Variants in KSR2 observed in about 807,000 individuals in gnomAD.
KSR2 encodes the protein kinase suppressor of ras 2.
In KSR2, 25 loss-of-function variants were observed where a neutral mutation model predicts 107.8. The ratio of observed to expected loss-of-function variants is 0.23; its 90% confidence interval spans 0.17 to 0.32. The LOEUF is 0.32. KSR2 is among the 10% of genes least tolerant of loss of function. The pLI is 1.00. For synonymous variants in KSR2, 480 were observed against 507.0 expected (o/e 0.95, Z 0.71); for missense variants, 887 against 1,268.9 (o/e 0.70, Z 4.57).
intron 5 of KSR2, among the ~76,000 whole-genome samples, chr12:117,646,695 C>A (rs574565827): frequency 1.3e-5 from 2 of 152,148 alleles, no homozygotes; most frequent in Non-Finnish European, 2.9e-5. Flanking sequence ...CACCAGCACC[C>A]GCCCTACAGA....
chr12:117,694,842 A>ATT (rs1555228648), intron 4 of KSR2, among the ~76,000 whole-genome samples: 2 of 68,326 alleles, frequency 2.9e-5, no homozygotes, highest in Admixed American at 2.2e-4. Context: ...ATGTTGTATG[A>ATT]TTCTTTTTTT....
intron 3 of KSR2, among the ~76,000 whole-genome samples, chr12:117,823,544 G>A (rs1891637662): frequency 6.6e-6 from 1 of 152,156 alleles, no homozygotes; most frequent in Non-Finnish European, 1.5e-5. Flanking sequence ...AAAAACATCA[G>A]GTGGAAGGGC....
At chr12:117,494,028 G>A (rs186905193) in intron 14 of KSR2, among the ~76,000 whole-genome samples, 190 of 152,234 alleles carry the variant, frequency 1.2e-3, no homozygotes, top group Non-Finnish European at 2.3e-3. Flanking sequence ...TGTCAGCAGC[G>A]TGAAAATGGA....
chr12:117,807,039 T>G (rs1891035535), intron 3 of KSR2, among the ~76,000 whole-genome samples: 1 of 152,136 alleles, frequency 6.6e-6, no homozygotes, highest in South Asian at 2.1e-4. Context: ...TCAGCCCCGC[T>G]CAGCGTCAGC....
chr12:117,559,978 C>T (rs1592993562), intron 7 of KSR2, among the ~76,000 whole-genome samples: 2 of 152,170 alleles, frequency 1.3e-5, no homozygotes, highest in African/African-American at 2.4e-5. Flanking sequence ...TAGACGTATA[C>T]ATTAAACTCA....
At chr12:117,910,708 G>A (rs977869853) in intron 1 of KSR2, among the ~76,000 whole-genome samples, 8 of 152,258 alleles carry the variant, frequency 5.3e-5, no homozygotes, top group South Asian at 2.1e-4. Flanking sequence ...ATTATATAGC[G>A]TCATGGGATC....
At chr12:117,683,972 A>G (rs914342725) in intron 4 of KSR2, among the ~76,000 whole-genome samples, 2 of 152,262 alleles carry the variant, frequency 1.3e-5, no homozygotes, top group Admixed American at 1.3e-4. Flanking sequence ...AAAATAGGCA[A>G]TTGGCTGAAC....
intron 5 of KSR2, among the ~76,000 whole-genome samples, chr12:117,596,347 C>T (rs926177130): frequency 2.0e-5 from 3 of 152,106 alleles, no homozygotes; most frequent in Non-Finnish European, 4.4e-5. Flanking sequence ...CTCCCCGGGT[C>T]CCTCCCATGA....
intron 3 of KSR2, among the ~76,000 whole-genome samples, chr12:117,799,363 G>T (rs528338378): frequency 6.6e-6 from 1 of 151,902 alleles, no homozygotes; most frequent in African/African-American, 2.4e-5. Context: ...TTAGCTGGGC[G>T]TGGTGGCACG....
chr12:117,905,114 G>A (rs1372506209), intron 1 of KSR2, among the ~76,000 whole-genome samples: 3 of 152,030 alleles, frequency 2.0e-5, no homozygotes, highest in African/African-American at 4.8e-5. Context: ...CCTGGGAGGC[G>A]GAGGTTGCAG....
intron 14 of KSR2, among the ~76,000 whole-genome samples, chr12:117,497,632 C>T (rs1219611990): frequency 1.3e-5 from 2 of 152,118 alleles, no homozygotes; most frequent in African/African-American, 2.4e-5. Context: ...AGGAGACTGG[C>T]GCAATAAGTC....
intron 14 of KSR2, among the ~76,000 whole-genome samples, chr12:117,492,831 C>T (rs1346198681): frequency 3.3e-5 from 5 of 152,072 alleles, no homozygotes; most frequent in Admixed American, 6.5e-5. Context: ...AAGGACTCAA[C>T]CCACCATCGC....
At chr12:117,884,443 G>A (rs758309183) in intron 1 of KSR2, among the ~76,000 whole-genome samples, 19 of 152,252 alleles carry the variant, frequency 1.2e-4, no homozygotes, top group Non-Finnish European at 2.1e-4. Context: ...GCCAGCTCTC[G>A]CTAGAACTGA....
chr12:117,865,427 A>G (rs1486337865), intron 1 of KSR2, among the ~76,000 whole-genome samples: 4 of 152,196 alleles, frequency 2.6e-5, no homozygotes, highest in African/African-American at 9.7e-5. Context: ...ATTATTCTAT[A>G]TCTATGTATG....
At chr12:117,904,243 C>T (rs76595096) in intron 1 of KSR2, among the ~76,000 whole-genome samples, 2,851 of 152,210 alleles carry the variant, frequency 0.019, 88 homozygotes, top group African/African-American at 0.064. Flanking sequence ...GGTTCATATC[C>T]GGGACACCAG....
chr12:117,818,410 A>G (rs1891451544), intron 3 of KSR2, among the ~76,000 whole-genome samples: 1 of 152,156 alleles, frequency 6.6e-6, no homozygotes, highest in African/African-American at 2.4e-5. Flanking sequence ...TCTCTCCCTC[A>G]ACTTCCTCAT....
intron 12 of KSR2, among the ~76,000 whole-genome samples, chr12:117,527,903 G>A (rs569665137): frequency 6.6e-6 from 1 of 151,468 alleles, no homozygotes; most frequent in African/African-American, 2.4e-5. Context: ...ATGGAATTAG[G>A]ATGTGTGGAA....
intron 3 of KSR2, among the ~76,000 whole-genome samples, chr12:117,784,035 T>A (rs1387136210): frequency 6.6e-6 from 1 of 152,214 alleles, no homozygotes; most frequent in Admixed American, 6.5e-5. Context: ...GAATTTTTTT[T>A]AATTTTTTAA....
intron 1 of KSR2, among the ~76,000 whole-genome samples, chr12:117,891,272 C>T (rs375506136): frequency 2.5e-4 from 38 of 151,452 alleles, no homozygotes; most frequent in African/African-American, 8.5e-4. Flanking sequence ...AAAAATTAAC[C>T]GGGTGTGGTG....
Sources: allele counts gnomAD v4.1 joint callset (sites outside exome capture counted in the v4.1 genomes callset), GRCh38; gene constraint gnomAD v4.1.1; transcripts MANE v1.5; gene names NCBI Gene and HGNC (gene_info 2026-07-23, HGNC 2026-07-21).